Variants in FNTA observed in about 807,000 individuals in gnomAD.
FNTA encodes the protein protein farnesyltransferase/geranylgeranyltransferase type-1 subunit alpha.
Under a neutral mutation model 55.2 loss-of-function variants are expected in FNTA, and 27 were observed. The ratio of observed to expected loss-of-function variants is 0.49; its 90% CI spans 0.36 to 0.67. FNTA has a LOEUF of 0.67. FNTA is among the 30% of genes least tolerant of loss of function. The pLI is 0.00. For missense variants in FNTA, 422 were observed against 464.7 expected, an observed-to-expected ratio of 0.91 and a Z score of 0.85; for synonymous variants, 176 against 170.7, an observed-to-expected ratio of 1.03 and a Z score of -0.24.
At chr8:43,072,139 G>C in intron 4 of FNTA, 42 bp from the exon 5 acceptor site, 1 of 1,405,916 alleles carries the variant, frequency 7.1e-7, no homozygotes. Context: ...TTAGTTCATG[G>C]GTAAATTAAC....
At chr8:43,060,104 T>C (rs1247973550) in intron 2 of FNTA, among the ~76,000 whole-genome samples, 1 of 152,184 alleles carries the variant, frequency 6.6e-6, no homozygotes, top group Non-Finnish European at 1.5e-5. Flanking sequence ...GAGAACGTAT[T>C]AGGCAAGATG....
chr8:43,073,124 T>C (rs1472080325), intron 5 of FNTA, among the ~76,000 whole-genome samples: 1 of 152,222 alleles, frequency 6.6e-6, no homozygotes, highest in Non-Finnish European at 1.5e-5. Context: ...TTCTGCACTA[T>C]TCATTAGACC....
chr8:43,062,852 A>C (rs1272303458), intron 2 of FNTA, among the ~76,000 whole-genome samples: 1 of 152,236 alleles, frequency 6.6e-6, no homozygotes, highest in East Asian at 1.9e-4. Flanking sequence ...CCAAGGGATC[A>C]GTGCTGCAAC....
chr8:43,068,734 CAG>C (rs1810718594), intron 3 of FNTA, among the ~76,000 whole-genome samples: 5 of 152,242 alleles, frequency 3.3e-5, no homozygotes, highest in African/African-American at 1.2e-4. Flanking sequence ...CTTTTTGAGA[CAG>C]AGTTTTGCTC....
rs1449325921 is a variant in FNTA at position 43,085,270 on chromosome 8, T to A, written c.1128T>A (p.Asn376Lys). 2 of 1,606,186 alleles carry A rather than the reference T, an allele frequency of 1.2e-6. No individual in the cohort carries two copies. Among genetic ancestry groups the A allele is most frequent in the South Asian group, 2.2e-5 (2 of 89,264 alleles). ...GCACAGAAAATGACTCACCAACAAA[T>A]GTACAGCAATAACACCATCCAGAAG... Reference protein sequence around the residue: ...KHSTENDSPTNVQQ With the variant: ...KHSTENDSPTKVQQ The change falls in exon 9 of 9, where the codon AAT (asparagine) becomes AAA (lysine). Residue 376 changes from asparagine (N) to lysine (K), a missense_variant. Coordinates refer to ENST00000302279, the MANE Select transcript of FNTA (RefSeq NM_002027.3).
chr8:43,074,158 A>G (rs1810856340), intron 5 of FNTA, among the ~76,000 whole-genome samples: 1 of 152,146 alleles, frequency 6.6e-6, no homozygotes, highest in Non-Finnish European at 1.5e-5. Context: ...TCCCCAACCG[A>G]TCACAGATTG....
chr8:43,057,597 A>G (rs1236213003), intron 1 of FNTA, among the ~76,000 whole-genome samples: 4 of 152,186 alleles, frequency 2.6e-5, no homozygotes, highest in African/African-American at 9.7e-5. Flanking sequence ...GGACACAATT[A>G]CTAGCATTGC....
rs532017343 is a variant in FNTA, at chr8:43,058,900, T to A, written c.201-192T>A. Reference sequence around the variant, plus strand: ...GCATCTGAGGGTTATTTGTTTTAATTTTACTTTAATAGTTTAATGTGTAAA... The same window carrying A: ...GCATCTGAGGGTTATTTGTTTTAATATTACTTTAATAGTTTAATGTGTAAA... On this transcript the variant is annotated intron_variant, in intron 1 of 8. Coordinates refer to ENST00000302279, the MANE Select transcript of FNTA (RefSeq NM_002027.3). The A allele has an allele frequency of 3.3e-4, 138 of 412,990 alleles. No individual in the cohort carries two copies. The East Asian group carries it at 4.3e-3, about 13-fold the overall frequency. 25.6% of individuals were successfully genotyped at this position (412,990 alleles called of 1,614,324 possible). A position where few individuals can be genotyped will look rare whatever the true frequency, so the allele number is the denominator to read the frequency against.
chr8:43,056,601 C>T (rs1227161025), intron 1 of FNTA, 55 bp downstream of exon 1: 1 of 1,153,178 alleles, frequency 8.7e-7, no homozygotes, highest in African/African-American at 1.6e-5. Flanking sequence ...CCCAGCGGCC[C>T]CAAGACCCGC....
chr8:43,060,769 TATAGACAA>T (rs1810513275), intron 2 of FNTA, among the ~76,000 whole-genome samples: 1 of 152,090 alleles, frequency 6.6e-6, no homozygotes, highest in Admixed American at 6.6e-5. Context: ...GTCAACCGTT[TATAGACAA>T]ATATATCAAT....
At chr8:43,067,300 A>G (rs1373854446) in intron 3 of FNTA, among the ~76,000 whole-genome samples, 1 of 152,166 alleles carries the variant, frequency 6.6e-6, no homozygotes, top group Non-Finnish European at 1.5e-5. Flanking sequence ...ATTTTCTTAA[A>G]GTCTTATTCT....
At chr8:43,074,024 CGTG>C (rs1397754122) in intron 5 of FNTA, among the ~76,000 whole-genome samples, 8 of 151,970 alleles carry the variant, frequency 5.3e-5, no homozygotes, top group Non-Finnish European at 1.5e-5. Flanking sequence ...ATATTAAAAA[CGTG>C]GTAAAATTTT....
intron 4 of FNTA, among the ~76,000 whole-genome samples, chr8:43,071,397 G>A (rs944708765): frequency 3.9e-5 from 6 of 152,032 alleles, no homozygotes; most frequent in Admixed American, 3.3e-4. Flanking sequence ...CTGGCCGGGC[G>A]CGGTGGCTCA....
chr8:43,084,185 T>A (rs1422229106), intron 7 of FNTA, among the ~76,000 whole-genome samples: 1 of 151,876 alleles, frequency 6.6e-6, no homozygotes, highest in Non-Finnish European at 1.5e-5. Flanking sequence ...ACTTCATTTT[T>A]AAAAACTTTT....
At chr8:43,066,680 T>C (rs1052209443) in intron 3 of FNTA, among the ~76,000 whole-genome samples, 2 of 151,970 alleles carry the variant, frequency 1.3e-5, no homozygotes, top group African/African-American at 4.8e-5. Context: ...TTTTCTCAAA[T>C]GGTTGGTAAT....
intron 1 of FNTA, among the ~76,000 whole-genome samples, chr8:43,057,619 C>T (rs2130537362): frequency 6.6e-6 from 1 of 152,250 alleles, no homozygotes; most frequent in Admixed American, 6.5e-5. Flanking sequence ...CATTGGATGC[C>T]ACAGAATCTC....
Position 43,064,113 on chromosome 8 carries a change from A to G in FNTA, c.299A>G (p.Tyr100Cys). Residue 100 changes from tyrosine (Y) to cysteine (C), a missense_variant, in exon 3 of 9, where the codon TAT becomes TGT. Physicochemically the swap from Tyr to Cys is radical, Grantham distance 194. This residue lies in a region of FNTA where 262 missense variants were observed against 343.1 expected (regional missense o/e 0.76). Coordinates refer to ENST00000302279, the MANE Select transcript of FNTA (RefSeq NM_002027.3). ...GCTCTATCTCTAGTTAGAGATGTTT[A>G]TGATTACTTCCGAGCTGTCCTGCAG... is the stretch of plus-strand genomic sequence containing the variant. ...IIYSDKFRDV[Y>C]DYFRAVLQRD... is the part of the protein sequence containing the mutation. 6.2e-7 allele frequency: 1 copy of G among 1,611,338 alleles called. No homozygotes were observed. Among genetic ancestry groups the G allele is most frequent in the Non-Finnish European group, 8.5e-7 (1 of 1,177,726 alleles).
intron 4 of FNTA, among the ~76,000 whole-genome samples, chr8:43,071,082 T>G (rs1167166478): frequency 6.6e-6 from 1 of 152,200 alleles, no homozygotes; most frequent in Middle Eastern, 3.2e-3. Flanking sequence ...GAATAGGTCA[T>G]TCATTAAGCA....
intron 1 of FNTA, chr8:43,057,227 C>T (rs1364992820): frequency 1.3e-5 from 2 of 152,244 alleles, no homozygotes; most frequent in African/African-American, 4.8e-5. Flanking sequence ...CAGTTCTTTG[C>T]TTTCAGATGG....
Sources: allele counts gnomAD v4.1 joint callset (sites outside exome capture counted in the v4.1 genomes callset), GRCh38; gene constraint gnomAD v4.1.1; regional missense constraint gnomAD v4.1.1; transcripts MANE v1.5; gene names NCBI Gene and HGNC (gene_info 2026-07-23, HGNC 2026-07-21).